The following MIPOL1 variants were observed in gnomAD, a reference collection of about 807,000 sequenced individuals.
MIPOL1 encodes mirror-image polydactyly gene 1 protein.
MIPOL1 carries 57 observed loss-of-function variants against 60.9 expected under a neutral mutation model. The observed-to-expected ratio is 0.94, with a 90% CI of 0.76 to 1.17. MIPOL1 has a LOEUF of 1.17. Among genes scored for constraint, MIPOL1 ranks in the 50% most tolerant of loss-of-function variants. The pLI, the probability that MIPOL1 is intolerant of heterozygous loss-of-function variation, is 0.00. For missense variants in MIPOL1, 551 were observed against 511.6 expected, an observed-to-expected ratio of 1.08 and a Z score of -0.74; for synonymous variants, 179 against 168.8, an observed-to-expected ratio of 1.06 and a Z score of -0.47.
intron 11 of MIPOL1, among the ~76,000 whole-genome samples, chr14:37,444,623 T>C (rs928705571): frequency 6.6e-6 from 1 of 152,148 alleles, no homozygotes; most frequent in Non-Finnish European, 1.5e-5. Flanking sequence ...ATATATTCTG[T>C]AAAGTCACAG....
intron 10 of MIPOL1, among the ~76,000 whole-genome samples, chr14:37,388,356 A>G: frequency 6.6e-6 from 1 of 151,958 alleles, no homozygotes; most frequent in African/African-American, 2.4e-5. Flanking sequence ...ATTGGATAGT[A>G]TTTGCTTGTT....
chr14:37,507,272 T>C (rs1327074545), intron 12 of MIPOL1: 2 of 152,154 alleles, frequency 1.3e-5, no homozygotes, highest in Admixed American at 6.5e-5. Context: ...CCCAAAGCAT[T>C]ATAAATCATT....
At chr14:37,412,081 A>G (rs1352126449) in intron 10 of MIPOL1, among the ~76,000 whole-genome samples, 3 of 152,146 alleles carry the variant, frequency 2.0e-5, no homozygotes, top group South Asian at 2.1e-4. Context: ...GATTCCTGGT[A>G]GCCTAACCCA....
chr14:37,468,365 A>G (rs1407825412), intron 11 of MIPOL1, among the ~76,000 whole-genome samples: 1 of 152,190 alleles, frequency 6.6e-6, no homozygotes, highest in East Asian at 1.9e-4. Flanking sequence ...AGTCAATGTA[A>G]CATCCCCTTC....
intron 12 of MIPOL1, among the ~76,000 whole-genome samples, chr14:37,528,357 T>C (rs1329135546): frequency 6.6e-6 from 1 of 151,998 alleles, no homozygotes. Context: ...TAATTGTTAT[T>C]TTCAAATACC....
At chr14:37,229,983 T>G (rs1201443429) in intron 1 of MIPOL1, among the ~76,000 whole-genome samples, 1 of 152,102 alleles carries the variant, frequency 6.6e-6, no homozygotes, top group African/African-American at 2.4e-5. Flanking sequence ...GAGGAATAAG[T>G]TCAAGAGAGC....
chr14:37,495,258 CT>C (rs2095106101), intron 11 of MIPOL1, among the ~76,000 whole-genome samples: 1 of 144,804 alleles, frequency 6.9e-6, no homozygotes, highest in Non-Finnish European at 1.5e-5. Flanking sequence ...TTAGGTATAT[CT>C]CCCAATGCTA....
chr14:37,427,299 C>T (rs1361294308), intron 11 of MIPOL1, among the ~76,000 whole-genome samples: 2 of 151,894 alleles, frequency 1.3e-5, no homozygotes, highest in Admixed American at 6.6e-5. Flanking sequence ...TTATGCTAAG[C>T]GAAATAAACC....
At chr14:37,391,336 T>C (rs929270087) in intron 10 of MIPOL1, among the ~76,000 whole-genome samples, 2 of 150,338 alleles carry the variant, frequency 1.3e-5, no homozygotes, top group Non-Finnish European at 3.0e-5. Flanking sequence ...TAAGAAGGAA[T>C]TCAGAGCAGC....
intron 7 of MIPOL1, among the ~76,000 whole-genome samples, chr14:37,296,822 C>T (rs1416792835): frequency 6.6e-6 from 1 of 152,014 alleles, no homozygotes; most frequent in South Asian, 2.1e-4. Flanking sequence ...AATAGCTTAC[C>T]AACCAAAAAA....
chr14:37,316,525 TC>T (rs1443644794), intron 9 of MIPOL1, among the ~76,000 whole-genome samples: 1 of 150,744 alleles, frequency 6.6e-6, no homozygotes, highest in African/African-American at 2.4e-5. Flanking sequence ...CAACTTTTTT[TC>T]CCCCTCCTGT....
At chr14:37,359,392 G>C (rs2092079202) in intron 9 of MIPOL1, among the ~76,000 whole-genome samples, 1 of 152,162 alleles carries the variant, frequency 6.6e-6, no homozygotes, top group African/African-American at 2.4e-5. Context: ...GTAGCTTGAT[G>C]CGGATAGCAT....
chr14:37,482,265 A>C (rs1443463628), intron 11 of MIPOL1, among the ~76,000 whole-genome samples: 2 of 152,192 alleles, frequency 1.3e-5, no homozygotes, highest in Non-Finnish European at 2.9e-5. Flanking sequence ...TGGGCAAGGG[A>C]TTTGAATAGA....
intron 7 of MIPOL1, among the ~76,000 whole-genome samples, chr14:37,290,099 A>G (rs1008085074): frequency 4.6e-5 from 7 of 152,234 alleles, no homozygotes; most frequent in Admixed American, 2.6e-4. Context: ...TTTTGTGAAT[A>G]TAATTCTTGA....
chr14:37,364,431 ATTC>A (rs1188267986), intron 9 of MIPOL1, among the ~76,000 whole-genome samples: 1 of 152,168 alleles, frequency 6.6e-6, no homozygotes, highest in Admixed American at 6.6e-5. Context: ...GTCTAGTTTT[ATTC>A]TTCTGCATAT....
intron 10 of MIPOL1, among the ~76,000 whole-genome samples, chr14:37,370,315 G>A (rs770988078): frequency 4.6e-5 from 7 of 152,018 alleles, no homozygotes; most frequent in Admixed American, 2.0e-4. Flanking sequence ...CTAGTTCCCA[G>A]TATAGTGCCT....
intron 9 of MIPOL1, among the ~76,000 whole-genome samples, chr14:37,344,403 C>T (rs1051610435): frequency 1.5e-4 from 22 of 151,480 alleles, no homozygotes; most frequent in Admixed American, 2.6e-4. Flanking sequence ...TTAATATGTT[C>T]CTTTGTTTTC....
intron 11 of MIPOL1, among the ~76,000 whole-genome samples, chr14:37,428,261 T>TTAAAATATGATGATGGC (rs1566587145): frequency 6.6e-6 from 1 of 152,126 alleles, no homozygotes; most frequent in Non-Finnish European, 1.5e-5. Flanking sequence ...TAGGGGCAGA[T>TTAAAATATGATGATGGC]TAAAATATGA....
intron 1 of MIPOL1, among the ~76,000 whole-genome samples, chr14:37,227,373 TA>T (rs1374779874): frequency 6.6e-6 from 1 of 152,206 alleles, no homozygotes; most frequent in African/African-American, 2.4e-5. Context: ...GTTAATTATT[TA>T]ACCTATACAG....
Sources: gnomAD v4.1 joint callset for allele counts (sites outside exome capture counted in the v4.1 genomes callset) on GRCh38, gnomAD v4.1.1 for gene constraint, MANE v1.5 for transcripts, NCBI Gene and HGNC (gene_info 2026-07-23, HGNC 2026-07-21) for gene names.